LINGO2: variants seen among roughly 807,000 people sequenced by gnomAD.
The protein encoded by LINGO2 is leucine rich repeat and Ig domain containing 2.
In LINGO2, 14 loss-of-function variants were observed where a neutral mutation model predicts 30.6. That is an observed-to-expected ratio of 0.46 (90% CI 0.30 to 0.72). The LOEUF (loss-of-function observed/expected upper bound fraction) is 0.72, where lower values mean the gene tolerates loss of function less well. Among genes scored for constraint, LINGO2 ranks in the 30% least tolerant of loss-of-function variants. The pLI, the probability that LINGO2 is intolerant of heterozygous loss-of-function variation, is 0.07. For missense variants in LINGO2, 729 were observed against 751.7 expected, an observed-to-expected ratio of 0.97 and a Z score of 0.35; for synonymous variants, 317 against 288.5, an observed-to-expected ratio of 1.10 and a Z score of -1.00.
the LINGO2 span, among the ~76,000 whole-genome samples, chr9:29,081,394 T>C: frequency 1.3e-3 from 201 of 152,212 alleles, no homozygotes; most frequent in African/African-American, 4.6e-3. Context: ...CTTCATGCTA[T>C]AAACGCTCAA....
At chr9:28,462,794 G>A (rs1295883529) in intron 2 of LINGO2, among the ~76,000 whole-genome samples, 1 of 152,018 alleles carries the variant, frequency 6.6e-6, no homozygotes, top group African/African-American at 2.4e-5. Context: ...GATTCATAGA[G>A]TAACTTGGTT....
At chr9:28,840,386 T>G in the LINGO2 span, among the ~76,000 whole-genome samples, 304 of 152,038 alleles carry the variant, frequency 2.0e-3, 10 homozygotes, top group African/African-American at 7.3e-3. Context: ...CCAAAGCCTG[T>G]AAGTTTTATC....
intron 4 of LINGO2, among the ~76,000 whole-genome samples, chr9:28,215,817 T>C (rs1259522056): frequency 6.6e-6 from 1 of 151,888 alleles, no homozygotes; most frequent in African/African-American, 2.4e-5. Context: ...ATGCATTCTG[T>C]GCACCTGTCG....
At chr9:29,068,009 A>T in the LINGO2 span, among the ~76,000 whole-genome samples, 3 of 151,844 alleles carry the variant, frequency 2.0e-5, no homozygotes, top group South Asian at 2.1e-4. Flanking sequence ...TCAAATTTTT[A>T]AAATCCTGTT....
At chr9:28,403,620 T>C (rs2134759282) in intron 2 of LINGO2, among the ~76,000 whole-genome samples, 1 of 150,798 alleles carries the variant, frequency 6.6e-6, no homozygotes, top group Non-Finnish European at 1.5e-5. Flanking sequence ...AAAATGCTAT[T>C]GTTTTAAATA....
At chr9:28,357,807 A>G (rs1002086964) in intron 3 of LINGO2, among the ~76,000 whole-genome samples, 3 of 152,126 alleles carry the variant, frequency 2.0e-5, no homozygotes, top group African/African-American at 7.2e-5. Flanking sequence ...ATCATGGAGC[A>G]TTAATTCTAC....
chr9:27,946,961 A>G (rs2118224281), downstream of LINGO2, among the ~76,000 whole-genome samples: 1 of 152,220 alleles, frequency 6.6e-6, no homozygotes, highest in South Asian at 2.1e-4. Context: ...AAGTTCTTCA[A>G]AATTTCAAAT....
the LINGO2 span, among the ~76,000 whole-genome samples, chr9:28,898,068 TA>T: frequency 0.012 from 1,769 of 152,264 alleles, 13 homozygotes; most frequent in Admixed American, 0.018. Context: ...TAGTGACCTC[TA>T]CCCTTCAAAA....
intron 4 of LINGO2, among the ~76,000 whole-genome samples, chr9:28,053,986 C>CA (rs1824798967): frequency 6.6e-6 from 1 of 151,792 alleles, no homozygotes; most frequent in Non-Finnish European, 1.5e-5. Context: ...TGGTTAGTAT[C>CA]AGTTACCAGT....
chr9:28,864,416 A>C, the LINGO2 span, among the ~76,000 whole-genome samples: 1 of 152,144 alleles, frequency 6.6e-6, no homozygotes, highest in African/African-American at 2.4e-5. Context: ...AAAATGAAAA[A>C]CAAACAATAA....
the LINGO2 span, among the ~76,000 whole-genome samples, chr9:28,854,785 T>C: frequency 1.3e-5 from 2 of 151,942 alleles, no homozygotes; most frequent in Non-Finnish European, 2.9e-5. Flanking sequence ...TACTGTCAGG[T>C]ACCAAAAAGA....
chr9:28,948,232 T>A, the LINGO2 span, among the ~76,000 whole-genome samples: 1 of 152,112 alleles, frequency 6.6e-6, no homozygotes, highest in Non-Finnish European at 1.5e-5. Flanking sequence ...TTACAGTGTG[T>A]TAGAGAAAGA....
At chr9:28,386,089 C>T (rs548537191) in intron 2 of LINGO2, among the ~76,000 whole-genome samples, 3 of 152,246 alleles carry the variant, frequency 2.0e-5, no homozygotes, top group East Asian at 1.9e-4. Flanking sequence ...AACACAACAT[C>T]GATGACTTAT....
rs1056880656 is a variant in LINGO2 at position 28,148,411 on chromosome 9, C to A, written c.-86-136006G>T. 2 of 1,308,264 alleles carry A rather than the reference C, an allele frequency of 1.5e-6. No individual in the cohort carries two copies. The highest frequency in any genetic ancestry group is 2.5e-5 in the South Asian group (2 of 79,150). 81.0% of individuals were successfully genotyped at this position (1,308,264 alleles called of 1,614,324 possible). ...TTCCTTCATTAGATGAGCAGGTGAT[C>A]CCAGCCAGGCTCCCGAAGATGGAGG... On this transcript the variant is annotated intron_variant, in intron 4 of 5. Transcript: ENST00000379992. The surrounding 1 kb of genome is among the most constrained non-coding windows in gnomAD (Gnocchi z 5.1).
At chr9:28,960,825 A>G in the LINGO2 span, among the ~76,000 whole-genome samples, 1 of 85,854 alleles carries the variant, frequency 1.2e-5, no homozygotes, top group Non-Finnish European at 3.0e-5. Flanking sequence ...TATTCTAGAA[A>G]ATGTTGAAAA....
chr9:28,237,581 G>A (rs1821621367), intron 4 of LINGO2, among the ~76,000 whole-genome samples: 1 of 152,140 alleles, frequency 6.6e-6, no homozygotes, highest in Admixed American at 6.6e-5. Context: ...CAGGTGCGGT[G>A]GCTCACACCT....
chr9:29,022,556 G>A, the LINGO2 span, among the ~76,000 whole-genome samples: 39 of 152,182 alleles, frequency 2.6e-4, no homozygotes, highest in Admixed American at 2.0e-3. Flanking sequence ...TGGGTCTTAC[G>A]GTTGATCTTA....
At chr9:28,105,365 G>A (rs890981909) in intron 4 of LINGO2, among the ~76,000 whole-genome samples, 1 of 152,052 alleles carries the variant, frequency 6.6e-6, no homozygotes, top group Non-Finnish European at 1.5e-5. Context: ...CTAGGCTCTG[G>A]GAGTATCATG....
intron 4 of LINGO2, among the ~76,000 whole-genome samples, chr9:28,019,089 A>T (rs971742936): frequency 6.6e-6 from 1 of 152,100 alleles, no homozygotes; most frequent in Non-Finnish European, 1.5e-5. Context: ...ACACATGGGC[A>T]CTAAGAAGGG....
Sources: allele counts gnomAD v4.1 joint callset (sites outside exome capture counted in the v4.1 genomes callset), GRCh38; gene constraint gnomAD v4.1.1; non-coding constraint Gnocchi (gnomAD v3.1); transcripts MANE v1.5; gene names NCBI Gene and HGNC (gene_info 2026-07-23, HGNC 2026-07-21).